SMIM36: variants seen among roughly 807,000 people sequenced by gnomAD.
The protein encoded by SMIM36 is small integral membrane protein 36.
chr17:55,494,221 A>G (rs1203740075), intron 1 of SMIM36, among the ~76,000 whole-genome samples: 2 of 152,150 alleles, frequency 1.3e-5, no homozygotes, highest in East Asian at 3.8e-4. Context: ...TAGATGTACG[A>G]GACACGCACT....
intron 3 of SMIM36, among the ~76,000 whole-genome samples, chr17:55,472,683 C>A (rs1909360097): frequency 1.3e-5 from 2 of 152,022 alleles, no homozygotes; most frequent in African/African-American, 4.8e-5. Flanking sequence ...CCAACCTGGC[C>A]AATATGGTGA....
At chr17:55,487,078 T>C (rs1324671930) in intron 1 of SMIM36, among the ~76,000 whole-genome samples, 1 of 151,864 alleles carries the variant, frequency 6.6e-6, no homozygotes, top group African/African-American at 2.4e-5. Context: ...GATTCTAACA[T>C]AATGGAAACG....
At chr17:55,479,369 G>C (rs1909481634) in intron 2 of SMIM36, 91 bp downstream of exon 2, 1 of 152,222 alleles carries the variant, frequency 6.6e-6, no homozygotes, top group Admixed American at 6.5e-5. Flanking sequence ...CAGATTACCT[G>C]AGGTCAGGAT....
intron 1 of SMIM36, among the ~76,000 whole-genome samples, chr17:55,498,021 GGCATCA>G (rs780731209): frequency 8.5e-5 from 13 of 152,296 alleles, no homozygotes; most frequent in Non-Finnish European, 1.9e-4. Context: ...CTGAGGTCAA[GGCATCA>G]GCCAGGCCAT....
the SMIM36 span, among the ~76,000 whole-genome samples, chr17:55,522,507 A>C: frequency 2.0e-5 from 3 of 152,244 alleles, no homozygotes; most frequent in African/African-American, 7.2e-5. Context: ...TCTTACATAT[A>C]GGCAGGCAAG....
Position 55,451,508 on chromosome 17 carries a change from C to T in SMIM36, c.*532-1210G>A, listed in dbSNP as rs186945640. Among the ~76,000 whole-genome samples the T allele has an allele frequency of 1.7e-3, 253 of 152,280 alleles. 2 individuals are homozygous for T. The South Asian group carries it at 0.023, about 14-fold the overall frequency. ...ACAGAGGCTTTGAAGTGGCTGTTTC[C>T]TCCATATGTTTCTTATCACAGGCTG... On this transcript the variant is annotated intron_variant, in intron 4 of 4. Transcript: ENST00000636752.
chr17:55,530,315 GA>G, the SMIM36 span, among the ~76,000 whole-genome samples: 2 of 152,176 alleles, frequency 1.3e-5, no homozygotes, highest in Non-Finnish European at 1.5e-5. Flanking sequence ...GCTGCTCTAG[GA>G]ACTCAGAATG....
chr17:55,507,553 G>A (rs1337037728), intron 1 of SMIM36, among the ~76,000 whole-genome samples: 32 of 108,228 alleles, frequency 3.0e-4, no homozygotes, highest in African/African-American at 1.2e-3. Flanking sequence ...ACAGGAAGGG[G>A]AATATCACAC....
upstream of SMIM36, among the ~76,000 whole-genome samples, chr17:55,514,321 G>A (rs1438028161): frequency 6.6e-6 from 1 of 152,172 alleles, no homozygotes; most frequent in Non-Finnish European, 1.5e-5. Context: ...ACCCCTTGAG[G>A]TAGCCTTGAC....
At chr17:55,495,671 G>A (rs554614316) in intron 1 of SMIM36, among the ~76,000 whole-genome samples, 13 of 151,334 alleles carry the variant, frequency 8.6e-5, no homozygotes, top group Non-Finnish European at 1.5e-4. Context: ...AGGGGGTAGT[G>A]GCAAGCACCC....
At chr17:55,473,800 G>T (rs1474914753) in intron 3 of SMIM36, among the ~76,000 whole-genome samples, 1 of 152,090 alleles carries the variant, frequency 6.6e-6, no homozygotes, top group Non-Finnish European at 1.5e-5. Flanking sequence ...TAAGGCGGGA[G>T]ACCACCCCTC....
At chr17:55,513,763 C>T (rs192482584), upstream of SMIM36, among the ~76,000 whole-genome samples, 27 of 152,206 alleles carry the variant, frequency 1.8e-4, no homozygotes, top group East Asian at 5.0e-3. Flanking sequence ...TAGTTTAGTC[C>T]ACATTAAATT....
chr17:55,456,968 A>G (rs1358353285), intron 4 of SMIM36, among the ~76,000 whole-genome samples: 1 of 152,210 alleles, frequency 6.6e-6, no homozygotes, highest in Non-Finnish European at 1.5e-5. Context: ...TAAATCCTAC[A>G]TAGCAGTTAG....
the SMIM36 span, among the ~76,000 whole-genome samples, chr17:55,529,627 C>A: frequency 6.6e-6 from 1 of 151,880 alleles, no homozygotes; most frequent in Non-Finnish European, 1.5e-5. Context: ...CACACACACA[C>A]ACACACACAC....
intron 1 of SMIM36, among the ~76,000 whole-genome samples, chr17:55,508,289 A>G (rs1230955692): frequency 6.6e-6 from 1 of 151,790 alleles, no homozygotes; most frequent in East Asian, 1.9e-4. Flanking sequence ...TTCTACCTCT[A>G]AGAGTGCAAA....
chr17:55,486,974 T>C lies in SMIM36; in HGVS notation c.*175-7394A>G, dbSNP rs373934803. On this transcript the variant is annotated intron_variant, in intron 1 of 4. Transcript: ENST00000636752. ...ACAAATGTGTGTTGAGCGCAGACCATGTGCTGGGCACTGAGAATACAAAGG... is the reference window on the plus strand; with the variant it reads ...ACAAATGTGTGTTGAGCGCAGACCACGTGCTGGGCACTGAGAATACAAAGG... Among the ~76,000 whole-genome samples, 11 of 152,332 alleles carry C rather than the reference T, an allele frequency of 7.2e-5. No homozygotes were observed. In the East Asian group the frequency reaches 7.7e-4, roughly 11 times the overall value.
At chr17:55,482,410 T>A (rs1417740895) in intron 1 of SMIM36, among the ~76,000 whole-genome samples, 4 of 152,220 alleles carry the variant, frequency 2.6e-5, no homozygotes, top group Non-Finnish European at 1.5e-5. Flanking sequence ...GTCTGGAACC[T>A]GCAACTGAAA....
intron 4 of SMIM36, among the ~76,000 whole-genome samples, chr17:55,466,793 G>A (rs1909246542): frequency 6.6e-6 from 1 of 152,232 alleles, no homozygotes; most frequent in African/African-American, 2.4e-5. Flanking sequence ...GGTGGTATCG[G>A]AGGTGCCAAG....
At chr17:55,480,801 C>T (rs1485249637) in intron 1 of SMIM36, among the ~76,000 whole-genome samples, 1 of 152,138 alleles carries the variant, frequency 6.6e-6, no homozygotes, top group African/African-American at 2.4e-5. Context: ...CTTTGCATTG[C>T]CTCATGATCA....
Sources: gnomAD v4.1 joint callset for allele counts (sites outside exome capture counted in the v4.1 genomes callset) on GRCh38, gnomAD v4.1.1 for gene constraint, MANE v1.5 for transcripts, NCBI Gene and HGNC (gene_info 2026-07-23, HGNC 2026-07-21) for gene names.